The following KCNIP4 variants were observed in gnomAD, a reference collection of about 807,000 sequenced individuals.
The protein encoded by KCNIP4 is Kv channel-interacting protein 4.
KCNIP4 carries 12 observed loss-of-function variants against 34.0 expected under a neutral mutation model. The observed-to-expected ratio is 0.35, with a 90% CI of 0.23 to 0.57. The LOEUF is 0.57. KCNIP4 is among the 20% of genes least tolerant of loss of function. KCNIP4 has a pLI of 0.83. For synonymous variants in KCNIP4, 124 were observed against 102.2 expected (o/e 1.21, Z -1.29); for missense variants, 238 against 311.7 (o/e 0.76, Z 1.78).
intron 1 of KCNIP4, among the ~76,000 whole-genome samples, chr4:20,903,697 C>T (rs1430000038): frequency 6.6e-6 from 1 of 152,130 alleles, no homozygotes; most frequent in East Asian, 1.9e-4. Context: ...CCAAGCTGCG[C>T]CCCAATCACC....
In KCNIP4 at chr4:21,526,000, T is replaced by A. The variant is rs1296970748; in HGVS notation, c.61+422571A>T. 2.0e-5 allele frequency among the ~76,000 whole-genome samples: 3 copies of A among 152,338 alleles called. No homozygotes were observed. The East Asian group carries it at 5.8e-4, about 29-fold the overall frequency. ...ATCAAAAACATTATCCAATTTTTTT[T>A]AACTGGAAGTTTTCTTCGATGAATG... On this transcript the variant is annotated intron_variant, in intron 1 of 8. Transcript: ENST00000382152.
chr4:21,558,244 C>A (rs901327331), intron 1 of KCNIP4, among the ~76,000 whole-genome samples: 1 of 152,110 alleles, frequency 6.6e-6, no homozygotes, highest in Non-Finnish European at 1.5e-5. Flanking sequence ...GTAATCCCAG[C>A]ACTTTGGGAG....
At chr4:21,772,062 T>C (rs570170641) in intron 1 of KCNIP4, among the ~76,000 whole-genome samples, 97 of 152,304 alleles carry the variant, frequency 6.4e-4, no homozygotes, top group African/African-American at 2.3e-3. Context: ...TGTGGGTTTG[T>C]CATAAATAGC....
At chr4:20,888,966 A>G (rs762454423) in intron 1 of KCNIP4, among the ~76,000 whole-genome samples, 1 of 152,170 alleles carries the variant, frequency 6.6e-6, no homozygotes, top group Non-Finnish European at 1.5e-5. Context: ...ACTTAATACA[A>G]TATCATACTT....
intron 1 of KCNIP4, among the ~76,000 whole-genome samples, chr4:21,484,716 C>G (rs1731762973): frequency 6.6e-6 from 1 of 152,174 alleles, no homozygotes; most frequent in Non-Finnish European, 1.5e-5. Context: ...TCTAGAAAGT[C>G]TGTCCTGGCC....
rs142465524 is a variant in KCNIP4, at chr4:20,945,105, G to A, written c.62-62396C>T. Among the ~76,000 whole-genome samples the A allele has an allele frequency of 1.6e-4, 24 of 152,294 alleles. No homozygotes were observed. In the East Asian group the frequency reaches 4.6e-3, roughly 29 times the overall value. On this transcript the variant is annotated intron_variant, in intron 1 of 8. Transcript: ENST00000382152. ...TTTGGTTCCAATGTCTCACTCTCCA[G>A]AGTGTGGTTGATGAACCAGCAGCTT...
chr4:20,758,072 G>A (rs6831950), intron 4 of KCNIP4, among the ~76,000 whole-genome samples: 2 of 152,050 alleles, frequency 1.3e-5, no homozygotes, highest in African/African-American at 4.8e-5. Flanking sequence ...TTCCCCCTAC[G>A]TGATCAGCAC....
intron 1 of KCNIP4, among the ~76,000 whole-genome samples, chr4:21,105,163 T>C (rs1213855269): frequency 1.3e-5 from 2 of 151,660 alleles, no homozygotes; most frequent in Non-Finnish European, 2.9e-5. Flanking sequence ...GGGGATGGCA[T>C]TGAATCTATA....
chr4:21,624,214 A>AAT (rs997167507), intron 1 of KCNIP4, among the ~76,000 whole-genome samples: 3 of 152,080 alleles, frequency 2.0e-5, no homozygotes, highest in African/African-American at 4.8e-5. Context: ...TCAGCTTTAT[A>AAT]ATATATATAT....
chr4:21,364,094 T>C (rs1469711728), intron 1 of KCNIP4, among the ~76,000 whole-genome samples: 3 of 152,160 alleles, frequency 2.0e-5, no homozygotes, highest in Non-Finnish European at 4.4e-5. Context: ...GATCCCTCTT[T>C]TACAATTCTC....
intron 1 of KCNIP4, among the ~76,000 whole-genome samples, chr4:21,795,665 T>C (rs11936563): frequency 0.018 from 2,690 of 152,306 alleles, 72 homozygotes; most frequent in African/African-American, 0.06. Context: ...TCTGTTGCTT[T>C]CTGAGTTGAT....
chr4:21,359,262 C>T (rs1318318128), intron 1 of KCNIP4, among the ~76,000 whole-genome samples: 1 of 152,072 alleles, frequency 6.6e-6, no homozygotes, highest in African/African-American at 2.4e-5. Flanking sequence ...TCTTCTCCTG[C>T]CCTCTGCTCC....
chr4:21,061,249 A>G (rs970739706), intron 1 of KCNIP4, among the ~76,000 whole-genome samples: 2 of 152,152 alleles, frequency 1.3e-5, no homozygotes, highest in Non-Finnish European at 2.9e-5. Flanking sequence ...GGAGCTTTAA[A>G]TATATACTAT....
At chr4:21,843,634 T>TCCCCAGTTTATTTCCATTAGATC (rs1723828250) in intron 1 of KCNIP4, 1 of 152,000 alleles carries the variant, frequency 6.6e-6, no homozygotes, top group Non-Finnish European at 1.5e-5. Context: ...TGCTAAGTTC[T>TCCCCAGTTTATTTCCATTAGATC]CCCCAGTTTA....
At chr4:20,765,740 T>G (rs976946844) in intron 3 of KCNIP4, among the ~76,000 whole-genome samples, 1 of 152,210 alleles carries the variant, frequency 6.6e-6, no homozygotes, top group African/African-American at 2.4e-5. Context: ...AACCCTTCAC[T>G]GTGATATGAT....
At position 21,199,435 on chromosome 4, in the gene KCNIP4, T is replaced by C. The variant is rs1560802571; in HGVS notation, c.62-316726A>G. On this transcript the variant is annotated intron_variant, in intron 1 of 8. Coordinates refer to ENST00000382152, the MANE Select transcript of KCNIP4 (RefSeq NM_025221.6). ...GGGTTGTTTGATTTTTTCTTGTAAA[T>C]TTGTTTAAGTTCTTTGTAGATTCTG... Among the ~76,000 whole-genome samples the C allele has an allele frequency of 2.0e-5, 3 of 152,348 alleles. No homozygotes were observed. In the East Asian group the frequency reaches 5.8e-4, roughly 29 times the overall value.
chr4:21,799,499 G>C (rs912252873), intron 1 of KCNIP4, among the ~76,000 whole-genome samples: 3 of 152,146 alleles, frequency 2.0e-5, no homozygotes, highest in Admixed American at 2.0e-4. Context: ...TTGTTGCAGG[G>C]AGGTAGAGGT....
At chr4:20,817,762 T>A (rs980982710) in intron 3 of KCNIP4, among the ~76,000 whole-genome samples, 1 of 152,056 alleles carries the variant, frequency 6.6e-6, no homozygotes, top group African/African-American at 2.4e-5. Flanking sequence ...GCAATTACTA[T>A]GGATTTTAAA....
chr4:21,728,825 A>C (rs994455523), intron 1 of KCNIP4, among the ~76,000 whole-genome samples: 6 of 151,974 alleles, frequency 3.9e-5, no homozygotes, highest in African/African-American at 1.4e-4. Flanking sequence ...CACCCCTCAA[A>C]TCTTAGCTCA....
Sources: gnomAD v4.1 joint callset for allele counts (sites outside exome capture counted in the v4.1 genomes callset) on GRCh38, gnomAD v4.1.1 for gene constraint, MANE v1.5 for transcripts, NCBI Gene and HGNC (gene_info 2026-07-23, HGNC 2026-07-21) for gene names.